CHST9: variants seen among roughly 807,000 people sequenced by gnomAD.
CHST9 encodes the protein GalNAc-4-sulfotransferase 2.
Under a neutral mutation model 44.4 loss-of-function variants are expected in CHST9, and 41 were observed. The observed-to-expected ratio is 0.92, with a 90% CI of 0.72 to 1.20. The LOEUF is 1.20. Among genes scored for constraint, CHST9 ranks in the 50% most tolerant of loss-of-function variants. The pLI is 0.00. For missense variants in CHST9, 504 were observed against 516.5 expected, an observed-to-expected ratio of 0.98 and a Z score of 0.23; for synonymous variants, 171 against 178.4, an observed-to-expected ratio of 0.96 and a Z score of 0.33.
chr18:26,971,148 C>A (rs1443455082), intron 4 of CHST9, among the ~76,000 whole-genome samples: 1 of 152,178 alleles, frequency 6.6e-6, no homozygotes, highest in Non-Finnish European at 1.5e-5. Context: ...AGATTGCAAA[C>A]TACCTTAAGG....
intron 4 of CHST9, among the ~76,000 whole-genome samples, chr18:26,991,292 G>C (rs575409664): frequency 3.2e-4 from 48 of 152,208 alleles, no homozygotes; most frequent in African/African-American, 1.1e-3. Context: ...GATTAGATAT[G>C]GGATGTGAGA....
chr18:26,998,688 C>G (rs1330344000), intron 4 of CHST9, among the ~76,000 whole-genome samples: 5 of 150,064 alleles, frequency 3.3e-5, no homozygotes, highest in Middle Eastern at 6.8e-3. Context: ...ATTGCACCAG[C>G]CTGGGTGACA....
chr18:26,940,039 A>T (rs1218634126), intron 5 of CHST9, among the ~76,000 whole-genome samples: 4 of 152,168 alleles, frequency 2.6e-5, no homozygotes, highest in Admixed American at 1.3e-4. Flanking sequence ...GCTATCCAGA[A>T]ACTAAAGCAT....
intron 2 of CHST9, among the ~76,000 whole-genome samples, chr18:27,108,112 G>A (rs1388754524): frequency 6.6e-6 from 1 of 151,932 alleles, no homozygotes; most frequent in Non-Finnish European, 1.5e-5. Context: ...AGAGTTCTCT[G>A]TTGACCTATT....
rs9954398 is a variant in CHST9, at chr18:27,029,764, C to T, written c.161-5607G>A. On this transcript the variant is annotated intron_variant, in intron 3 of 5. Transcript: ENST00000618847. ...AGAGTCTGCAGTTATTGAGTACAGA[C>T]GCAACCATGTTTTTTCCCCCAAATA... Among the ~76,000 whole-genome samples, 1,277 of 152,228 alleles carry T rather than the reference C, an allele frequency of 8.4e-3. 16 individuals carry two copies. The highest frequency in any genetic ancestry group is 0.029 in the African/African-American group (1,210 of 41,544).
At chr18:27,113,555 G>A (rs1174574542) in intron 2 of CHST9, among the ~76,000 whole-genome samples, 2 of 152,080 alleles carry the variant, frequency 1.3e-5, no homozygotes, top group African/African-American at 2.4e-5. Flanking sequence ...TCAGGAGGGT[G>A]GTGCCCTTGG....
intron 5 of CHST9, among the ~76,000 whole-genome samples, chr18:26,926,630 G>A (rs1202386212): frequency 2.6e-5 from 4 of 152,120 alleles, no homozygotes; most frequent in Admixed American, 2.0e-4. Context: ...ACTTGCACAA[G>A]GTCACTCTAG....
At chr18:27,087,833 G>C (rs2058027768) in intron 2 of CHST9, among the ~76,000 whole-genome samples, 1 of 152,186 alleles carries the variant, frequency 6.6e-6, no homozygotes, top group Non-Finnish European at 1.5e-5. Flanking sequence ...GCATCTGTAA[G>C]GGAAATGAGA....
chr18:27,036,687 G>C (rs572509513), intron 3 of CHST9, among the ~76,000 whole-genome samples: 1 of 152,248 alleles, frequency 6.6e-6, no homozygotes, highest in African/African-American at 2.4e-5. Flanking sequence ...GCCACGACAT[G>C]ATTTTTGACA....
At chr18:27,168,062 GAAAAGAT>G (rs2058804727) in intron 1 of CHST9, among the ~76,000 whole-genome samples, 1 of 146,860 alleles carries the variant, frequency 6.8e-6, no homozygotes, top group Non-Finnish European at 1.5e-5. Flanking sequence ...TCAGAGGAGT[GAAAAGAT>G]TATACCTATT....
chr18:26,989,630 T>C (rs370459781), intron 4 of CHST9, among the ~76,000 whole-genome samples: 5 of 152,344 alleles, frequency 3.3e-5, no homozygotes, highest in East Asian at 3.9e-4. Flanking sequence ...CAAATGTTCA[T>C]AGTGGCATTA....
intron 4 of CHST9, among the ~76,000 whole-genome samples, chr18:26,991,031 G>A (rs2056810074): frequency 6.6e-6 from 1 of 152,192 alleles, no homozygotes; most frequent in Non-Finnish European, 1.5e-5. Flanking sequence ...GATTTGTAAG[G>A]TTGTGTGAAA....
At chr18:27,048,387 G>T in intron 3 of CHST9, 78 bp downstream of exon 3, 1 of 1,097,496 alleles carries the variant, frequency 9.1e-7, no homozygotes, top group Non-Finnish European at 1.3e-6. Flanking sequence ...GTGAATTTTT[G>T]AATAATAAAT....
intron 4 of CHST9, among the ~76,000 whole-genome samples, chr18:27,000,990 C>G (rs1373407180): frequency 1.3e-5 from 2 of 152,156 alleles, no homozygotes; most frequent in African/African-American, 4.8e-5. Flanking sequence ...TTGCATACCC[C>G]TTGGGATATG....
chr18:26,916,771 TG>T lies in CHST9; in HGVS notation c.819del (p.Tyr273Ter). ...LKGIYTRLNT[Y>X]TKAVFVRDPM... The stretch of plus-strand genomic sequence containing the variant: ...GGATCACGAACAAACACAGCTTTGG[TG>T]TAAGTATTTAAGCGGGTATATATCC... On this transcript the variant is annotated frameshift_variant, in exon 6 of 6. Coordinates refer to ENST00000618847, the MANE Select transcript of CHST9 (RefSeq NM_031422.6). LOFTEE classifies it high-confidence loss of function. 1.9e-6 allele frequency: 3 copies of T among 1,613,814 alleles called. No homozygotes were observed. In the African/African-American group the frequency reaches 4.0e-5, roughly 22 times the overall value.
At chr18:27,020,277 G>A (rs1450286747) in intron 4 of CHST9, among the ~76,000 whole-genome samples, 2 of 152,128 alleles carry the variant, frequency 1.3e-5, no homozygotes, top group East Asian at 3.9e-4. Context: ...CCCACCTGTG[G>A]GGTTGAGGGT....
At position 27,058,164 on chromosome 18, in the gene CHST9, G is replaced by A. The variant is rs1308314289; in HGVS notation, c.122-9661C>T. On this transcript the variant is annotated intron_variant, in intron 2 of 5. Coordinates refer to ENST00000618847, the MANE Select transcript of CHST9 (RefSeq NM_031422.6). Reference sequence around the variant, plus strand: ...CAAAATAGGAATGCTAGTCTTAATTGCGTAAGCTGCAGCTACTGACTAAAG... The same window carrying A: ...CAAAATAGGAATGCTAGTCTTAATTACGTAAGCTGCAGCTACTGACTAAAG... Among the ~76,000 whole-genome samples the A allele has an allele frequency of 2.0e-5, 3 of 152,158 alleles. No individual in the cohort carries two copies. The East Asian group carries it at 5.8e-4, about 29-fold the overall frequency.
intron 2 of CHST9, among the ~76,000 whole-genome samples, chr18:27,140,268 G>A (rs897201903): frequency 6.6e-6 from 1 of 152,070 alleles, no homozygotes; most frequent in African/African-American, 2.4e-5. Flanking sequence ...TATCCCTCTG[G>A]AGTCTCATTT....
At chr18:27,147,356 C>A (rs1415810775) in intron 1 of CHST9, among the ~76,000 whole-genome samples, 1 of 152,048 alleles carries the variant, frequency 6.6e-6, no homozygotes, top group African/African-American at 2.4e-5. Context: ...TGTGAGCCAC[C>A]GCACCCAGCA....
Sources: allele counts gnomAD v4.1 joint callset (sites outside exome capture counted in the v4.1 genomes callset), GRCh38; gene constraint gnomAD v4.1.1; transcripts MANE v1.5; gene names NCBI Gene and HGNC (gene_info 2026-07-23, HGNC 2026-07-21).